Variants in COL20A1 observed in about 807,000 individuals in gnomAD.
COL20A1 encodes collagen alpha-1(XX) chain.
In COL20A1, 164 loss-of-function variants were observed where a neutral mutation model predicts 152.9. That is an observed-to-expected ratio of 1.07 (90% CI 0.94 to 1.22). The LOEUF (loss-of-function observed/expected upper bound fraction) is 1.22. Among genes scored for constraint, COL20A1 ranks in the 50% most tolerant of loss-of-function variants. The pLI, the probability that COL20A1 is intolerant of heterozygous loss-of-function variation, is 0.00. For synonymous variants in COL20A1, 864 were observed against 756.0 expected (o/e 1.14, Z -2.34); for missense variants, 1,873 against 1,744.8 (o/e 1.07, Z -1.31).
rs898218155 is a variant in COL20A1 at position 63,295,281 on chromosome 20, C to T, written c.82+92C>T. On this transcript the variant is annotated intron_variant, in intron 2 of 35. Transcript: ENST00000358894. ...GGACGAGCCCTCCGCCCCTGAGCCC[C>T]GTCTTCCTCCTAAGTTGAATGCGTG... 12 of 780,092 alleles carry T rather than the reference C, an allele frequency of 1.5e-5. 1 individual carries two copies. Among genetic ancestry groups the T allele is most frequent in the South Asian group, 8.4e-5 (5 of 59,460 alleles). 48.3% of individuals were successfully genotyped at this position (780,092 alleles called of 1,614,324 possible).
Position 63,332,428 on chromosome 20 carries a change from C to G in COL20A1, c.*1712C>G, listed in dbSNP as rs988827994. 1 of 152,314 alleles carries G rather than the reference C, an allele frequency of 6.6e-6. No individual in the cohort carries two copies. The highest frequency in any genetic ancestry group is 1.5e-5 in the Non-Finnish European group (1 of 68,090). 9.4% of individuals were successfully genotyped at this position (152,314 alleles called of 1,614,324 possible). Reference sequence around the variant, plus strand: ...AGGGCGGGGAATTACATGTCCCCAGCTGAACTGAGAAGGCTCTTTGAGCAG... The same window carrying G: ...AGGGCGGGGAATTACATGTCCCCAGGTGAACTGAGAAGGCTCTTTGAGCAG... On this transcript the variant is annotated 3_prime_UTR_variant, in exon 36 of 36. Coordinates refer to ENST00000358894, the MANE Select transcript of COL20A1 (RefSeq NM_020882.4).
intron 3 of COL20A1, among the ~76,000 whole-genome samples, chr20:63,303,386 C>T (rs1015957673): frequency 6.6e-6 from 1 of 152,140 alleles, no homozygotes; most frequent in Non-Finnish European, 1.5e-5. Context: ...TGTCATAAAA[C>T]TTTTTCATTA....
At position 63,307,985 on chromosome 20, in the gene COL20A1, A is replaced by G. The variant is rs770796555; in HGVS notation, c.670A>G (p.Ser224Gly). The change falls in exon 7 of 36, where the codon AGC becomes GGC. Residue 224 changes from serine to glycine, a missense_variant. Ser to Gly is a moderately conservative substitution (Grantham distance 56). Transcript: ENST00000358894. ...CTGCTCCCCAGGCCTGACTCAGTAC[A>G]GCGGGGATGCTCAGACTGAGTGGGA... Reference protein sequence around the residue: ...DKVQVGLTQYSGDAQTEWDLN... With the variant: ...DKVQVGLTQYGGDAQTEWDLN... 6 of 1,612,536 alleles carry G rather than the reference A, an allele frequency of 3.7e-6. No homozygotes were observed. The South Asian group carries it at 6.6e-5, about 18-fold the overall frequency.
Position 63,328,005 on chromosome 20 carries a change from C to T in COL20A1, c.3564+18C>T, listed in dbSNP as rs778326032. On this transcript the variant is annotated intron_variant, in intron 32 of 35. Coordinates refer to ENST00000358894, the MANE Select transcript of COL20A1 (RefSeq NM_020882.4). ...GAGAGAAGGTAAGTGAGGCTGAGAT[C>T]TTTGGCTCACTTGGGATCTCCTGGG... 11 of 1,611,174 alleles carry T rather than the reference C, an allele frequency of 6.8e-6. No individual in the cohort carries two copies. In the South Asian group the frequency reaches 1.2e-4, roughly 18 times the overall value.
At chr20:63,294,892 G>T in intron 1 of COL20A1, 2 of 539,196 alleles carry the variant, frequency 3.7e-6, no homozygotes, top group Non-Finnish European at 6.6e-6. Context: ...CCCAGCTCTA[G>T]CCTTGGGTCC....
In COL20A1 at chr20:63,313,961, C is replaced by T; in HGVS notation, c.2358+70C>T. ...CCTGGAAGGGGTATGGCCACACTGT[C>T]TGCGAAGGGTGGCAGCTCTGCCATG... On this transcript the variant is annotated intron_variant, in intron 18 of 35. Transcript: ENST00000358894. This position sits in a 1 kb window ranked among gnomAD's most constrained non-coding sequence, Gnocchi z 5.9. 3 of 1,590,958 alleles carry T rather than the reference C, an allele frequency of 1.9e-6. No individual in the cohort carries two copies. Among genetic ancestry groups the T allele is most frequent in the South Asian group, 1.2e-5 (1 of 86,630 alleles).
In COL20A1 at chr20:63,319,560, G is replaced by A. The variant is rs764534590; in HGVS notation, c.2880G>A (p.Gln960=). 78 of 1,594,714 alleles carry A rather than the reference G, an allele frequency of 4.9e-5. No individual in the cohort carries two copies. Among genetic ancestry groups the A allele is most frequent in the Non-Finnish European group, 6.4e-5 (75 of 1,171,472 alleles). ...TGCAGGAGGCCACCTTCGACCCGCAGGAAGTGAGGAAGATTTTCTTCGGGA... is the reference window on the plus strand; with the variant it reads ...TGCAGGAGGCCACCTTCGACCCGCAAGAAGTGAGGAAGATTTTCTTCGGGA... ...AALQEATFDP[Q]EVRKIFFGSF... The change falls in exon 23 of 36, where the codon CAG becomes CAA. Residue 960 remains glutamine, a synonymous_variant. Transcript: ENST00000358894. This position sits in a 1 kb window ranked among gnomAD's most constrained non-coding sequence, Gnocchi z 4.4.
At position 63,319,107 on chromosome 20, in the gene COL20A1, G is replaced by C. The variant is rs749515333; in HGVS notation, c.2713G>C (p.Val905Leu). ...TCCAGAGCACACCATCGTCTTCCTTGTGCGCCTACTTCCCGAGACACCCCG... is the reference window on the plus strand; with the variant it reads ...TCCAGAGCACACCATCGTCTTCCTTCTGCGCCTACTTCCCGAGACACCCCG... ...LPPEHTIVFL[V>L]RLLPETPREA... The change falls in exon 22 of 36, where the codon GTG becomes CTG. Residue 905 changes from valine (V) to leucine (L), a missense_variant. Transcript: ENST00000358894. This position sits in a 1 kb window ranked among gnomAD's most constrained non-coding sequence, Gnocchi z 4.4. 13 of 1,612,016 alleles carry C rather than the reference G, an allele frequency of 8.1e-6. No individual in the cohort carries two copies. In the South Asian group the frequency reaches 1.1e-4, roughly 14 times the overall value.
At chr20:63,299,175 G>T (rs2067835533) in intron 3 of COL20A1, among the ~76,000 whole-genome samples, 1 of 152,216 alleles carries the variant, frequency 6.6e-6, no homozygotes, top group South Asian at 2.1e-4. Flanking sequence ...TGTCCAGGTT[G>T]GCTGTTGTGT....
intron 15 of COL20A1, 73 bp from the exon 16 acceptor site, chr20:63,312,719 G>A: frequency 1.4e-6 from 2 of 1,478,542 alleles, no homozygotes; most frequent in South Asian, 1.4e-5. Flanking sequence ...GTGCTCCTGG[G>A]TGTGGCTGCC....
chr20:63,313,897 T>A lies in COL20A1; in HGVS notation c.2358+6T>A. The A allele has an allele frequency of 1.9e-6, 3 of 1,597,206 alleles. No homozygotes were observed. The highest frequency in any genetic ancestry group is 2.6e-6 in the Non-Finnish European group (3 of 1,172,360). On this transcript the variant is annotated splice_donor_region_variant and intron_variant, in intron 18 of 35. Transcript: ENST00000358894. This position sits in a 1 kb window ranked among gnomAD's most constrained non-coding sequence, Gnocchi z 5.9. ...GCTTGGGACCCGAGAAATCCGTGAG[T>A]CTTGGTAGAGCCTGAGGCTGCCCCA...
In COL20A1 at chr20:63,328,428, C is replaced by T. The variant is rs1481059634; in HGVS notation, c.3711C>T (p.Ser1237=). Residue 1237 remains serine, a synonymous_variant, in exon 34 of 36, where the codon TCC becomes TCT. Transcript: ENST00000358894. ...AGCCGGGCACTGAGCCCCTGGGGTCCCCTGGCACCCGCAGCAAGGCCCTGG... is the reference window on the plus strand; with the variant it reads ...AGCCGGGCACTGAGCCCCTGGGGTCTCCTGGCACCCGCAGCAAGGCCCTGG... The part of the protein sequence containing the change: ...KLEPGTEPLG[S]PGTRSKALVP... 2.5e-6 allele frequency: 4 copies of T among 1,612,498 alleles called. No homozygotes were observed. Among genetic ancestry groups the T allele is most frequent in the Admixed American group, 3.3e-5 (2 of 59,924 alleles).
In COL20A1 at chr20:63,333,972, C is replaced by T. The variant is rs1440829445; in HGVS notation, c.*3256C>T. The stretch of plus-strand genomic sequence containing the variant: ...CAGTGTCTGTAGATTCAGTGCATTT[C>T]TTGGGGAAGGGCGTGGAACATTTGG... On this transcript the variant is annotated 3_prime_UTR_variant, in exon 36 of 36. Transcript: ENST00000358894. 6.6e-6 allele frequency: 1 copy of T among 152,318 alleles called. No individual in the cohort carries two copies. The highest frequency in any genetic ancestry group is 1.5e-5 in the Non-Finnish European group (1 of 68,108). The allele number at this position is 152,318 out of a possible 1,614,324, so 9.4% of individuals were successfully genotyped here.
At position 63,319,606 on chromosome 20, in the gene COL20A1, C is replaced by T. The variant is rs1361078877; in HGVS notation, c.2916+10C>T. ...CGGGAGCTTCCACAAGGTCCTGGTG[C>T]AGCTCGCGCCCCTCTCCCCCGTTCC... On this transcript the variant is annotated intron_variant, in intron 23 of 35. Coordinates refer to ENST00000358894, the MANE Select transcript of COL20A1 (RefSeq NM_020882.4). This position sits in a 1 kb window ranked among gnomAD's most constrained non-coding sequence, Gnocchi z 4.4. The T allele has an allele frequency of 6.5e-7, 1 of 1,546,394 alleles. No homozygotes were observed. The highest frequency in any genetic ancestry group is 8.8e-7 in the Non-Finnish European group (1 of 1,140,562).
At chr20:63,308,840 A>G in intron 8 of COL20A1, 134 bp downstream of exon 8, 3 of 839,138 alleles carry the variant, frequency 3.6e-6, no homozygotes, top group Non-Finnish European at 5.3e-6. Flanking sequence ...CTGCACGCAG[A>G]GCCAGGCACC....
chr20:63,325,116 G>A, intron 27 of COL20A1: 1 of 467,972 alleles, frequency 2.1e-6, no homozygotes, highest in Non-Finnish European at 4.1e-6. Flanking sequence ...TGAGGGTGCT[G>A]GGGCTGCCCC....
Position 63,319,222 on chromosome 20 carries a change from C to T in COL20A1, c.2806+22C>T, listed in dbSNP as rs539996194. 1.2e-6 allele frequency: 2 copies of T among 1,608,014 alleles called. No homozygotes were observed. The highest frequency in any genetic ancestry group is 2.7e-5 in the African/African-American group (2 of 74,928). ...GATGGTGACGTGGGCCCCGCGTCGC[C>T]CCCAGCAGTCAGGAGGAGTAGGGGC... On this transcript the variant is annotated intron_variant, in intron 22 of 35. Transcript: ENST00000358894. The surrounding 1 kb of genome is among the most constrained non-coding windows in gnomAD (Gnocchi z 4.4).
At position 63,306,086 on chromosome 20, in the gene COL20A1, TTTGGTTTCCCACATTTCC is replaced by T. The variant is rs1316452461; in HGVS notation, c.496+48_496+65del. On this transcript the variant is annotated intron_variant, in intron 5 of 35. Transcript: ENST00000358894. The surrounding 1 kb of genome is among the most constrained non-coding windows in gnomAD (Gnocchi z 6.9). Reference sequence around the variant, plus strand: ...GTAAGTCTCCGGGGAGGGAGTGACCTTTGGTTTCCCACATTTCCCACCATGAGGCCAGGAAGTTCTTCC... The same window carrying T: ...GTAAGTCTCCGGGGAGGGAGTGACCTCACCATGAGGCCAGGAAGTTCTTCC... 3.3e-6 allele frequency: 5 copies of T among 1,509,522 alleles called. No individual in the cohort carries two copies. In the African/African-American group the frequency reaches 7.0e-5, roughly 21 times the overall value. 93.5% of individuals were successfully genotyped at this position (1,509,522 alleles called of 1,614,324 possible). A position where few individuals can be genotyped will look rare whatever the true frequency, so the allele number is the denominator to read the frequency against.
At chr20:63,296,694 A>G (rs1026147176) in intron 2 of COL20A1, among the ~76,000 whole-genome samples, 2 of 152,176 alleles carry the variant, frequency 1.3e-5, no homozygotes, top group Non-Finnish European at 2.9e-5. Context: ...CTTCACAAGC[A>G]GGGGCTGCGG....
Sources: gnomAD v4.1 joint callset for allele counts (sites outside exome capture counted in the v4.1 genomes callset) on GRCh38, gnomAD v4.1.1 for gene constraint, Gnocchi (gnomAD v3.1) non-coding constraint, MANE v1.5 for transcripts, NCBI Gene and HGNC (gene_info 2026-07-23, HGNC 2026-07-21) for gene names.